RUVBL2: variants seen among roughly 807,000 people sequenced by gnomAD.
RUVBL2 encodes the protein RuvB like AAA ATPase 2, also known as ruvB-like 2.
A neutral mutation model predicts 57.9 loss-of-function variants in RUVBL2; 9 were observed. The ratio of observed to expected loss-of-function variants is 0.16; its 90% confidence interval spans 0.09 to 0.27. The LOEUF (loss-of-function observed/expected upper bound fraction) is 0.27. RUVBL2 is among the 10% of genes least tolerant of loss of function. RUVBL2 has a pLI of 1.00. For synonymous variants in RUVBL2, 278 were observed against 264.6 expected (o/e 1.05, Z -0.49); for missense variants, 456 against 669.6 (o/e 0.68, Z 3.52).
rs747206231 is a variant in RUVBL2 at position 49,004,195 on chromosome 19, C to G, written c.124-82C>G. 1.3e-5 allele frequency: 20 copies of G among 1,559,564 alleles called. No homozygotes were observed. In the African/African-American group the frequency reaches 2.2e-4, roughly 17 times the overall value. On this transcript the variant is annotated intron_variant, in intron 3 of 14. Transcript: ENST00000595090. ...AAGTCCCAGCTAGTAATGTCTGCTT[C>G]CATCTCACTAGCTTCCTGATGTGGT...
intron 2 of RUVBL2, among the ~76,000 whole-genome samples, chr19:48,999,842 T>A (rs980308454): frequency 1.3e-5 from 2 of 152,150 alleles, no homozygotes; most frequent in South Asian, 4.1e-4. Flanking sequence ...AGGTGCATAT[T>A]GTAACTGTTA....
At chr19:49,006,960 A>T (rs944610111) in intron 4 of RUVBL2, 58 bp from the exon 5 acceptor site, 2 of 1,594,666 alleles carry the variant, frequency 1.3e-6, no homozygotes, top group Non-Finnish European at 8.6e-7. Flanking sequence ...GCCACAGAGC[A>T]GGTGTCGGGG....
intron 2 of RUVBL2, among the ~76,000 whole-genome samples, chr19:49,002,650 T>C (rs1159311821): frequency 2.0e-5 from 3 of 152,142 alleles, no homozygotes; most frequent in Non-Finnish European, 4.4e-5. Flanking sequence ...AGTGGCACAA[T>C]CTTGGCTCAC....
At chr19:48,996,303 A>G (rs1278411953) in intron 1 of RUVBL2, among the ~76,000 whole-genome samples, 1 of 152,064 alleles carries the variant, frequency 6.6e-6, no homozygotes, top group Non-Finnish European at 1.5e-5. Flanking sequence ...GCAAAGATCC[A>G]CCATCCAGGA....
intron 8 of RUVBL2, chr19:49,010,286 G>A (rs1032053962): frequency 1.1e-4 from 76 of 680,566 alleles, no homozygotes; most frequent in African/African-American, 9.7e-4. Flanking sequence ...AAGGTCCTCC[G>A]GGAGCCCCCG....
chr19:49,012,876 C>A (rs1461284203), intron 11 of RUVBL2, among the ~76,000 whole-genome samples: 1 of 150,474 alleles, frequency 6.6e-6, no homozygotes, highest in Non-Finnish European at 1.5e-5. Flanking sequence ...CACACACACA[C>A]ACACACACCA....
chr19:49,010,743 C>A, intron 9 of RUVBL2, 132 bp downstream of exon 9: 1 of 1,341,072 alleles, frequency 7.5e-7, no homozygotes. Flanking sequence ...CGGCCCGTGG[C>A]TGCCTCTGTT....
At chr19:49,000,654 C>T (rs2039161266) in intron 2 of RUVBL2, among the ~76,000 whole-genome samples, 1 of 151,932 alleles carries the variant, frequency 6.6e-6, no homozygotes, top group Non-Finnish European at 1.5e-5. Context: ...CACCTGAAGT[C>T]AGGAGTTTGA....
intron 4 of RUVBL2, 36 bp from the exon 5 acceptor site, chr19:49,006,982 G>A (rs779304814): frequency 6.2e-7 from 1 of 1,602,426 alleles, no homozygotes. Flanking sequence ...CCTGGTGCCA[G>A]AGCGGCTTCA....
chr19:49,010,715 C>T (rs1389889690), intron 9 of RUVBL2, 104 bp downstream of exon 9: 13 of 1,504,754 alleles, frequency 8.6e-6, no homozygotes, highest in East Asian at 4.6e-5. Context: ...ACCTGCTCCA[C>T]GCTGTTTCCT....
In RUVBL2 at chr19:49,007,212, G is replaced by A. The variant is rs766188722; in HGVS notation, c.395+65G>A. ...CTGGGAGCAACCCCGCACCCCGGGC[G>A]GCTCGTCCTTTGTCCCAGAGCTCAT... On this transcript the variant is annotated intron_variant, in intron 5 of 14. Coordinates refer to ENST00000595090, the MANE Select transcript of RUVBL2 (RefSeq NM_006666.3). 138 of 1,608,122 alleles carry A rather than the reference G, an allele frequency of 8.6e-5. 1 individual carries two copies. Among genetic ancestry groups the A allele is most frequent in the Non-Finnish European group, 1.1e-4 (127 of 1,175,460 alleles).
intron 2 of RUVBL2, chr19:49,001,627 T>G (rs1207906523): frequency 6.6e-6 from 1 of 151,678 alleles, no homozygotes; most frequent in African/African-American, 2.4e-5. Flanking sequence ...TTATTTTTTT[T>G]TTTGAGACGG....
At chr19:49,013,038 ACTGCAACCT>A (rs1045085637) in intron 11 of RUVBL2, among the ~76,000 whole-genome samples, 1 of 152,190 alleles carries the variant, frequency 6.6e-6, no homozygotes, top group Non-Finnish European at 1.5e-5. Context: ...ATCTCGGCTC[ACTGCAACCT>A]CTGCCTTCTG....
intron 12 of RUVBL2, 98 bp downstream of exon 12, chr19:49,014,701 C>A: frequency 6.7e-7 from 1 of 1,500,952 alleles, no homozygotes; most frequent in Non-Finnish European, 9.0e-7. Flanking sequence ...GGCATGGTGG[C>A]TGGGCCTACA....
At chr19:49,014,655 T>C (rs546133231) in intron 12 of RUVBL2, 52 bp downstream of exon 12, 4 of 1,600,342 alleles carry the variant, frequency 2.5e-6, no homozygotes, top group Admixed American at 1.7e-5. Flanking sequence ...GGGTCTACCC[T>C]GTTTGACAAA....
rs955513152 is a variant in RUVBL2, at chr19:49,014,403, T to C, written c.1002-81T>C. 15 of 1,529,118 alleles carry C rather than the reference T, an allele frequency of 9.8e-6. No homozygotes were observed. The African/African-American group carries it at 1.9e-4, about 20-fold the overall frequency. 94.7% of individuals were successfully genotyped at this position (1,529,118 alleles called of 1,614,324 possible). A position where few individuals can be genotyped will look rare whatever the true frequency, so the allele number is the denominator to read the frequency against. On this transcript the variant is annotated intron_variant, in intron 11 of 14. Transcript: ENST00000595090. The stretch of plus-strand genomic sequence containing the variant: ...GTTGGGCCCAGTGAGTGGGTGGCGA[T>C]GGGAGGTGAGAGTGTTCCCAGCAAA...
chr19:49,010,661 G>A, intron 9 of RUVBL2, 50 bp downstream of exon 9: 1 of 1,606,406 alleles, frequency 6.2e-7, no homozygotes, highest in Non-Finnish European at 8.5e-7. Flanking sequence ...AGGCCTAGCA[G>A]CCTCCCTCGG....
intron 2 of RUVBL2, among the ~76,000 whole-genome samples, chr19:49,000,018 C>T (rs143676361): frequency 2.8e-4 from 43 of 152,246 alleles, no homozygotes; most frequent in Middle Eastern, 3.4e-3. Context: ...TCAGGGCATC[C>T]GAGAAAGGCA....
intron 1 of RUVBL2, among the ~76,000 whole-genome samples, chr19:48,996,371 G>A (rs2039060121): frequency 6.6e-6 from 1 of 152,022 alleles, no homozygotes; most frequent in South Asian, 2.1e-4. Flanking sequence ...TCCCAGGCTG[G>A]AGTGCAGTGG....
Sources: allele counts gnomAD v4.1 joint callset (sites outside exome capture counted in the v4.1 genomes callset), GRCh38; gene constraint gnomAD v4.1.1; transcripts MANE v1.5; gene names NCBI Gene and HGNC (gene_info 2026-07-23, HGNC 2026-07-21).